Variants in PHKA1 observed in about 807,000 individuals in gnomAD.
PHKA1 encodes the protein phosphorylase kinase regulatory subunit alpha 1.
A neutral mutation model predicts 110.2 loss-of-function variants in PHKA1; 60 were observed. The observed-to-expected ratio is 0.54, with a 90% confidence interval of 0.44 to 0.68. The LOEUF (loss-of-function observed/expected upper bound fraction) is 0.68, where lower values mean the gene tolerates loss of function less well. Ranked by LOEUF, PHKA1 falls within the 30% of genes least tolerant of loss-of-function variation. PHKA1 has a pLI of 0.00. For synonymous variants in PHKA1, 316 were observed against 333.6 expected, an observed-to-expected ratio of 0.95 and a Z score of 0.58; for missense variants, 801 against 942.5, an observed-to-expected ratio of 0.85 and a Z score of 1.97.
chrX:72,613,368 C>T (rs1556263710), intron 21 of PHKA1, among the ~76,000 whole-genome samples: 1 of 93,734 alleles, frequency 1.1e-5, no homozygotes, highest in African/African-American at 5.2e-5. Flanking sequence ...CATAAATGTC[C>T]ATGGGAGGAT....
intron 5 of PHKA1, among the ~76,000 whole-genome samples, chrX:72,682,227 G>A (rs1283405388): frequency 1.1e-5 from 1 of 91,628 alleles, no homozygotes; most frequent in Admixed American, 1.1e-4. Context: ...CGCCCCGTCC[G>A]GGAGGGAGGT....
chrX:72,714,093 C>A lies in PHKA1; in HGVS notation c.-213G>T, dbSNP rs369875759. The A allele has an allele frequency of 1.7e-4, 74 of 438,003 alleles. 2 individuals are homozygous for A. Among genetic ancestry groups the A allele is most frequent in the Admixed American group, 9.1e-4 (25 of 27,512 alleles). 36.1% of individuals were successfully genotyped at this position (438,003 alleles called of 1,213,427 possible). A position where few individuals can be genotyped will look rare whatever the true frequency, so the allele number is the denominator to read the frequency against. On this transcript the variant is annotated 5_prime_UTR_variant, in exon 1 of 32. Coordinates refer to ENST00000373542, the MANE Select transcript of PHKA1 (RefSeq NM_002637.4). ...GCCTCAGGGGCCCACCACGCGCCAG[C>A]GCTAGCACTGGCTTCCCGCGGTCTA...
chrX:72,711,757 A>T (rs1435925409), intron 2 of PHKA1, among the ~76,000 whole-genome samples: 1 of 111,593 alleles, frequency 9.0e-6, no homozygotes, highest in Non-Finnish European at 1.9e-5. Flanking sequence ...ACAACAAAAA[A>T]AGTCATAAAA....
At chrX:72,666,574 C>G (rs2053617625) in intron 7 of PHKA1, among the ~76,000 whole-genome samples, 1 of 111,396 alleles carries the variant, frequency 9.0e-6, no homozygotes, top group African/African-American at 3.3e-5. Flanking sequence ...GAAAATCATC[C>G]CTTGTCTTAA....
chrX:72,583,750 C>T (rs1422051945), intron 30 of PHKA1, among the ~76,000 whole-genome samples: 17 of 112,100 alleles, frequency 1.5e-4, no homozygotes, highest in East Asian at 5.6e-4. Context: ...TTTCCAACCA[C>T]GGTTATATAT....
At chrX:72,654,709 T>C (rs1747414403) in intron 10 of PHKA1, among the ~76,000 whole-genome samples, 1 of 112,311 alleles carries the variant, frequency 8.9e-6, no homozygotes, top group South Asian at 3.7e-4. Flanking sequence ...TATCATTTTG[T>C]ATGTGTTACA....
At chrX:72,651,883 CAT>C (rs1483537325) in intron 12 of PHKA1, among the ~76,000 whole-genome samples, 3 of 111,770 alleles carry the variant, frequency 2.7e-5, no homozygotes, top group Non-Finnish European at 5.6e-5. Context: ...ATCAAAATAA[CAT>C]AGAGTGGGGA....
chrX:72,685,698 G>T (rs1054304058), intron 4 of PHKA1, among the ~76,000 whole-genome samples: 1 of 111,398 alleles, frequency 9.0e-6, no homozygotes, highest in Admixed American at 9.5e-5. Flanking sequence ...GACTTGGTTT[G>T]GACTATTTGA....
intron 22 of PHKA1, among the ~76,000 whole-genome samples, chrX:72,610,103 T>C (rs1488451834): frequency 9.0e-6 from 1 of 111,601 alleles, no homozygotes; most frequent in Admixed American, 9.5e-5. Flanking sequence ...TCAATATTTA[T>C]CATTTCTTTG....
intron 29 of PHKA1, among the ~76,000 whole-genome samples, chrX:72,592,345 T>C (rs2052533022): frequency 8.9e-6 from 1 of 112,332 alleles, no homozygotes; most frequent in African/African-American, 3.2e-5. Flanking sequence ...AAAACATAAC[T>C]GAAGGGTTTT....
At chrX:72,626,120 CGT>C (rs782319721) in intron 17 of PHKA1, among the ~76,000 whole-genome samples, 37 of 106,104 alleles carry the variant, frequency 3.5e-4, no homozygotes, top group African/African-American at 1.2e-3. Context: ...GTAGTATGTA[CGT>C]GTGTGTGTGT....
chrX:72,679,230 T>C (rs1200496793), intron 5 of PHKA1, among the ~76,000 whole-genome samples: 1 of 111,515 alleles, frequency 9.0e-6, no homozygotes, highest in African/African-American at 3.3e-5. Context: ...GTCTTACCTA[T>C]GTAGTGGAGA....
intron 5 of PHKA1, among the ~76,000 whole-genome samples, chrX:72,679,822 A>G (rs1276880719): frequency 1.8e-5 from 2 of 110,506 alleles, no homozygotes; most frequent in Non-Finnish European, 3.8e-5. Context: ...CCTAATACAC[A>G]TGTTATTGAA....
chrX:72,612,466 A>G (rs782149540), intron 21 of PHKA1, among the ~76,000 whole-genome samples: 1 of 111,943 alleles, frequency 8.9e-6, no homozygotes, highest in Admixed American at 9.4e-5. Context: ...AAAAATACCT[A>G]TTTTTTGATC....
At chrX:72,595,081 A>G (rs1556232130) in intron 28 of PHKA1, among the ~76,000 whole-genome samples, 1 of 112,158 alleles carries the variant, frequency 8.9e-6, no homozygotes, top group Non-Finnish European at 1.9e-5. Flanking sequence ...GATATACTAA[A>G]AGGATTATAC....
chrX:72,620,878 G>A lies in PHKA1; in HGVS notation c.1984C>T (p.Arg662Cys), dbSNP rs2052968485. 2 of 1,208,419 alleles carry A rather than the reference G, an allele frequency of 1.7e-6. No homozygotes were observed. Among genetic ancestry groups the A allele is most frequent in the African/African-American group, 1.8e-5 (1 of 56,752 alleles). ...SHARCGDEVARYLDHLLAHTA... is the reference protein window; with the variant it reads ...SHARCGDEVACYLDHLLAHTA... ...TGCGCCAAAAGGTGATCTAAATAAC[G>A]AGCAACTTCATCACCACAGCGAGCT... Residue 662 changes from arginine to cysteine, a missense_variant, in exon 19 of 32, where the codon CGT becomes TGT. This residue lies in a region of PHKA1 where 502 missense variants were observed against 519.2 expected (regional missense o/e 0.97). Transcript: ENST00000373542.
chrX:72,592,955 T>C, intron 29 of PHKA1, 149 bp downstream of exon 29: 2 of 476,576 alleles, frequency 4.2e-6, no homozygotes, highest in Admixed American at 3.2e-5. Flanking sequence ...ATCAACTGTT[T>C]CATTTTTATG....
At chrX:72,602,366 T>G (rs1221583143) in intron 26 of PHKA1, 93 bp from the exon 27 acceptor site, 6 of 549,404 alleles carry the variant, frequency 1.1e-5, no homozygotes, top group Admixed American at 2.8e-5. Context: ...ATATATATCC[T>G]TATTTTTAAC....
intron 14 of PHKA1, among the ~76,000 whole-genome samples, chrX:72,643,300 G>A (rs919745250): frequency 9.0e-6 from 1 of 110,840 alleles, no homozygotes; most frequent in African/African-American, 3.3e-5. Flanking sequence ...CTAACTTCTG[G>A]GTTTGTAAGT....
Sources: allele counts gnomAD v4.1 joint callset (sites outside exome capture counted in the v4.1 genomes callset), GRCh38; gene constraint gnomAD v4.1.1; regional missense constraint gnomAD v4.1.1; transcripts MANE v1.5; gene names NCBI Gene and HGNC (gene_info 2026-07-23, HGNC 2026-07-21).